AFF3: variants seen among roughly 807,000 people sequenced by gnomAD.
The protein encoded by AFF3 is ALF transcription elongation factor 3.
Under a neutral mutation model 129.7 loss-of-function variants are expected in AFF3, and 32 were observed. The observed-to-expected ratio is 0.25, with a 90% CI of 0.19 to 0.33. The LOEUF (loss-of-function observed/expected upper bound fraction) is 0.33, where lower values mean the gene tolerates loss of function less well. AFF3 is among the 10% of genes least tolerant of loss of function. The probability of loss-of-function intolerance (pLI) is 1.00; values close to 1 mark genes in which losing one functional copy is unlikely to be tolerated. For missense variants in AFF3, 1,373 were observed against 1,592.0 expected (o/e 0.86, Z 2.34); for synonymous variants, 644 against 635.4 (o/e 1.01, Z -0.20).
At chr2:100,132,017 A>G (rs1341800040) in intron 1 of AFF3, among the ~76,000 whole-genome samples, 1 of 152,136 alleles carries the variant, frequency 6.6e-6, no homozygotes. Flanking sequence ...GGCCCGCCAC[A>G]CACTCCACCT....
In AFF3 at chr2:99,894,470, A is replaced by AT. The variant is rs35613057; in HGVS notation, c.874-56947dup. 4.0e-3 allele frequency among the ~76,000 whole-genome samples: 566 copies of AT among 142,602 alleles called. 4 individuals carry two copies. The highest frequency in any genetic ancestry group is 0.014 in the East Asian group (71 of 4,910). 93.6% of individuals were successfully genotyped at this position (142,602 alleles called of 152,430 possible). On this transcript the variant is annotated intron_variant, in intron 7 of 24. Coordinates refer to ENST00000672756, the MANE Select transcript of AFF3 (RefSeq NM_001386135.1). ...ACGTTTTTTCTGATCAGCGTCAGGA[A>AT]TTTTTTTTTTTTTTTTGAGACGGAG...
At chr2:99,710,324 G>C (rs2104861549) in intron 11 of AFF3, among the ~76,000 whole-genome samples, 1 of 152,162 alleles carries the variant, frequency 6.6e-6, no homozygotes, top group African/African-American at 2.4e-5. Context: ...TGCGATCTTG[G>C]GTCATTGCAA....
intron 21 of AFF3, among the ~76,000 whole-genome samples, chr2:99,559,805 A>G (rs1449966614): frequency 6.6e-6 from 1 of 152,158 alleles, no homozygotes; most frequent in Non-Finnish European, 1.5e-5. Context: ...TGTTGCTGTT[A>G]TTATTATTTT....
rs181723648 is a variant in AFF3, at chr2:99,654,313, T to A, written c.1144-4647A>T. 5.9e-4 allele frequency among the ~76,000 whole-genome samples: 90 copies of A among 152,318 alleles called. 1 individual carries two copies. Among genetic ancestry groups the A allele is most frequent in the Non-Finnish European group, 1.0e-3 (71 of 68,032 alleles). On this transcript the variant is annotated intron_variant, in intron 12 of 24. Transcript: ENST00000672756. ...AGTATATGTCAGATGTTTTAAATAA[T>A]TTGAGGAAAAAACCCTTCATGGCAT...
At chr2:99,590,726 C>T (rs1213751211) in intron 15 of AFF3, among the ~76,000 whole-genome samples, 1 of 152,220 alleles carries the variant, frequency 6.6e-6, no homozygotes, top group Non-Finnish European at 1.5e-5. Context: ...CGTGCAGTGG[C>T]TCATGCCTGT....
chr2:99,783,195 C>T (rs1403317136), intron 8 of AFF3, among the ~76,000 whole-genome samples: 1 of 152,196 alleles, frequency 6.6e-6, no homozygotes, highest in African/African-American at 2.4e-5. Context: ...TTTGCTCTAT[C>T]CCAAAGTTTG....
chr2:99,653,886 T>C (rs1313872185), intron 12 of AFF3, among the ~76,000 whole-genome samples: 1 of 150,068 alleles, frequency 6.7e-6, no homozygotes, highest in Non-Finnish European at 1.5e-5. Flanking sequence ...TTTCTTTTTT[T>C]TTTTTTTTTT....
chr2:99,700,882 G>A (rs948963647), intron 11 of AFF3, among the ~76,000 whole-genome samples: 1 of 152,232 alleles, frequency 6.6e-6, no homozygotes, highest in African/African-American at 2.4e-5. Flanking sequence ...GTCCACTGGG[G>A]CTGGCCTTGG....
intron 7 of AFF3, among the ~76,000 whole-genome samples, chr2:99,853,037 T>G (rs555487766): frequency 5.3e-5 from 8 of 152,300 alleles, no homozygotes; most frequent in African/African-American, 1.9e-4. Context: ...GCAAATAACA[T>G]GGCAGTATTG....
At chr2:100,120,795 G>T (rs1179209227) in intron 2 of AFF3, among the ~76,000 whole-genome samples, 1 of 151,914 alleles carries the variant, frequency 6.6e-6, no homozygotes, top group Non-Finnish European at 1.5e-5. Flanking sequence ...ACCATAACTG[G>T]CTAATATTTC....
Position 99,554,294 on chromosome 2 carries a change from GT to G in AFF3, c.3559+16del. ...GGGAGGCGGAAGCCCCTGGTTCCCC[GT>G]GGGGTGTGCGCTCACCTCGGTTTTC... is the stretch of plus-strand genomic sequence containing the variant. On this transcript the variant is annotated intron_variant, in intron 24 of 24. Transcript: ENST00000672756. 1 of 1,613,898 alleles carries G rather than the reference GT, an allele frequency of 6.2e-7. No homozygotes were observed. Among genetic ancestry groups the G allele is most frequent in the Non-Finnish European group, 8.5e-7 (1 of 1,179,864 alleles).
intron 4 of AFF3, among the ~76,000 whole-genome samples, chr2:100,024,783 T>C (rs1215256461): frequency 6.6e-6 from 1 of 152,120 alleles, no homozygotes; most frequent in Non-Finnish European, 1.5e-5. Flanking sequence ...ATATCCAAGA[T>C]ACAAATATTA....
intron 4 of AFF3, among the ~76,000 whole-genome samples, chr2:100,030,342 A>G (rs1426745325): frequency 2.0e-5 from 3 of 152,206 alleles, no homozygotes; most frequent in Non-Finnish European, 4.4e-5. Context: ...AGATACCGCT[A>G]CACACCTATT....
chr2:99,958,294 A>T (rs1317283826), intron 7 of AFF3, among the ~76,000 whole-genome samples: 1 of 152,120 alleles, frequency 6.6e-6, no homozygotes, highest in Non-Finnish European at 1.5e-5. Context: ...GGAGTTCGAG[A>T]CTAGCCTGGC....
chr2:99,813,285 G>A (rs1686939196), intron 8 of AFF3, among the ~76,000 whole-genome samples: 4 of 152,160 alleles, frequency 2.6e-5, no homozygotes. Context: ...ACACTGCCAT[G>A]TTCTCATTCT....
intron 8 of AFF3, among the ~76,000 whole-genome samples, chr2:99,793,869 A>C (rs1341929256): frequency 6.6e-6 from 1 of 152,194 alleles, no homozygotes; most frequent in Non-Finnish European, 1.5e-5. Context: ...AAACTCAAGG[A>C]ACCTGACGTT....
intron 13 of AFF3, among the ~76,000 whole-genome samples, chr2:99,624,670 C>T (rs1682370564): frequency 6.6e-6 from 1 of 152,206 alleles, no homozygotes; most frequent in Non-Finnish European, 1.5e-5. Context: ...CAGACGTGCA[C>T]ATAGGTCAGG....
intron 7 of AFF3, among the ~76,000 whole-genome samples, chr2:99,999,074 G>A (rs1271719431): frequency 1.3e-5 from 2 of 152,134 alleles, no homozygotes; most frequent in African/African-American, 2.4e-5. Context: ...TACCCCCGGG[G>A]AAGGACTTCT....
intron 4 of AFF3, among the ~76,000 whole-genome samples, chr2:100,064,704 A>T (rs992085284): frequency 6.6e-6 from 1 of 152,224 alleles, no homozygotes; most frequent in Non-Finnish European, 1.5e-5. Context: ...TTGATAAACA[A>T]GGCCTATGCA....
Sources: allele counts gnomAD v4.1 joint callset (sites outside exome capture counted in the v4.1 genomes callset), GRCh38; gene constraint gnomAD v4.1.1; transcripts MANE v1.5; gene names NCBI Gene and HGNC (gene_info 2026-07-23, HGNC 2026-07-21).